Variants in SMC1B observed in about 807,000 individuals in gnomAD.
SMC1B encodes the protein structural maintenance of chromosomes 1B, also known as structural maintenance of chromosomes protein 1B.
Under a neutral mutation model 157.9 loss-of-function variants are expected in SMC1B, and 60 were observed. That is an observed-to-expected ratio of 0.38 (90% confidence interval 0.31 to 0.47). The LOEUF is 0.47. Among genes scored for constraint, SMC1B ranks in the 20% least tolerant of loss-of-function variants. The pLI, the probability that SMC1B is intolerant of heterozygous loss-of-function variation, is 0.99. For missense variants in SMC1B, 1,165 were observed against 1,426.2 expected (o/e 0.82, Z 2.95); for synonymous variants, 445 against 483.0 (o/e 0.92, Z 1.03).
At chr22:45,349,346 T>C (rs560883951) in intron 23 of SMC1B, among the ~76,000 whole-genome samples, 18 of 150,388 alleles carry the variant, frequency 1.2e-4, no homozygotes, top group African/African-American at 4.2e-4. Context: ...TGTTTTGTTT[T>C]GTTTTTTTGA....
At position 45,369,949 on chromosome 22, in the gene SMC1B, A is replaced by T. The variant is rs1210256818; in HGVS notation, c.2420+5T>A. Reference sequence around the variant, plus strand: ...CTCCTTACCAACATCTTTTTATAAAAATACCTTTTTTGATCAATTTCTTGT... The same window carrying T: ...CTCCTTACCAACATCTTTTTATAAATATACCTTTTTTGATCAATTTCTTGT... On this transcript the variant is annotated splice_donor_5th_base_variant and intron_variant, in intron 15 of 24. Coordinates refer to ENST00000357450, the MANE Select transcript of SMC1B (RefSeq NM_148674.5). 4.0e-6 allele frequency: 6 copies of T among 1,495,798 alleles called. No individual in the cohort carries two copies. Among genetic ancestry groups the T allele is most frequent in the Non-Finnish European group, 4.6e-6 (5 of 1,087,488 alleles). The allele number at this position is 1,495,798 out of a possible 1,614,324, so 92.7% of individuals were successfully genotyped here.
intron 15 of SMC1B, among the ~76,000 whole-genome samples, chr22:45,366,943 T>C (rs1418259843): frequency 6.6e-6 from 1 of 152,218 alleles, no homozygotes. Flanking sequence ...TAAGGAATTT[T>C]CCAGTTCAGC....
intron 12 of SMC1B, among the ~76,000 whole-genome samples, chr22:45,380,340 T>G (rs2086924391): frequency 1.3e-5 from 2 of 152,160 alleles, no homozygotes; most frequent in Non-Finnish European, 2.9e-5. Context: ...TACGTGAAAC[T>G]CTGTGTGTCC....
In SMC1B at chr22:45,408,741, G is replaced by A. The variant is rs552854282; in HGVS notation, c.267C>T (p.Gly89=). The change falls in exon 2 of 25, where the codon GGC becomes GGT. Residue 89 remains glycine (G), a synonymous_variant. Coordinates refer to ENST00000357450, the MANE Select transcript of SMC1B (RefSeq NM_148674.5). Reference sequence around the variant, plus strand: ...TAATCCTTGCAAATGTTTTCTCTTCGCCACTTTCCTCCACATATATAATTT... The same window carrying A: ...TAATCCTTGCAAATGTTTTCTCTTCACCACTTTCCTCCACATATATAATTT... ...SVKIIYVEES[G]EEKTFARIIR... 6.6e-5 allele frequency: 106 copies of A among 1,595,762 alleles called. No homozygotes were observed. In the South Asian group the frequency reaches 1.1e-3, roughly 16 times the overall value.
At chr22:45,351,236 CTAAAAT>C (rs2146758754) in intron 22 of SMC1B, among the ~76,000 whole-genome samples, 2 of 152,316 alleles carry the variant, frequency 1.3e-5, no homozygotes, top group East Asian at 3.9e-4. Context: ...CCTTCCCCAA[CTAAAAT>C]TAAGTATCTT....
intron 18 of SMC1B, among the ~76,000 whole-genome samples, chr22:45,359,081 C>CA (rs963341609): frequency 7.2e-5 from 11 of 152,022 alleles, no homozygotes; most frequent in East Asian, 3.9e-4. Context: ...AAAACAAAAA[C>CA]AAAAAAACCC....
At chr22:45,381,768 T>G in intron 12 of SMC1B, among the ~76,000 whole-genome samples, 1 of 152,204 alleles carries the variant, frequency 6.6e-6, no homozygotes, top group Non-Finnish European at 1.5e-5. Context: ...GGCCTAAATT[T>G]GTTAAAATCT....
Position 45,413,456 on chromosome 22 carries a change from T to C in SMC1B, c.109+3A>G. On this transcript the variant is annotated splice_donor_region_variant and intron_variant, in intron 1 of 24. Coordinates refer to ENST00000357450, the MANE Select transcript of SMC1B (RefSeq NM_148674.5). ...CCGGTGGCGCCCTGAGCTGCTCAGT[T>C]ACCAGAGCCGTTGGGGCCGATGATG... 3.1e-6 allele frequency: 5 copies of C among 1,603,364 alleles called. No homozygotes were observed. The highest frequency in any genetic ancestry group is 3.4e-6 in the Non-Finnish European group (4 of 1,174,778).
intron 22 of SMC1B, among the ~76,000 whole-genome samples, chr22:45,351,263 A>G (rs898550971): frequency 6.6e-6 from 1 of 152,070 alleles, no homozygotes; most frequent in African/African-American, 2.4e-5. Context: ...CGAGGCAGGC[A>G]TTTTGTTTTG....
chr22:45,405,064 G>A (rs1226837245), intron 4 of SMC1B, among the ~76,000 whole-genome samples: 1 of 152,130 alleles, frequency 6.6e-6, no homozygotes, highest in Non-Finnish European at 1.5e-5. Context: ...TGAGAAAATG[G>A]CTTTTTAATA....
At chr22:45,348,294 G>C (rs2086572219) in intron 23 of SMC1B, among the ~76,000 whole-genome samples, 1 of 152,228 alleles carries the variant, frequency 6.6e-6, no homozygotes, top group Admixed American at 6.5e-5. Flanking sequence ...GCTGACGCCT[G>C]TAATCCCAGC....
chr22:45,349,277 A>C (rs2086584726), intron 23 of SMC1B, among the ~76,000 whole-genome samples: 2 of 151,668 alleles, frequency 1.3e-5, no homozygotes, highest in South Asian at 4.2e-4. Context: ...AGCCTCCCAA[A>C]GTGCTGGGAT....
intron 24 of SMC1B, 39 bp from the exon 25 acceptor site, chr22:45,344,696 AG>A: frequency 7.1e-7 from 1 of 1,412,070 alleles, no homozygotes; most frequent in Non-Finnish European, 1.0e-6. Context: ...TCCCCTAATT[AG>A]GGAAAAAGTA....
chr22:45,346,959 T>G (rs930346019), intron 23 of SMC1B, among the ~76,000 whole-genome samples: 3 of 152,214 alleles, frequency 2.0e-5, no homozygotes, highest in Non-Finnish European at 4.4e-5. Flanking sequence ...GAGTCTGAAG[T>G]AAGACCTAGT....
At chr22:45,369,078 CA>C (rs1157815974) in intron 15 of SMC1B, among the ~76,000 whole-genome samples, 1 of 152,016 alleles carries the variant, frequency 6.6e-6, no homozygotes, top group African/African-American at 2.4e-5. Context: ...TATTTACAGA[CA>C]AGCAAATTAT....
chr22:45,363,607 G>A (rs990987178), intron 15 of SMC1B, among the ~76,000 whole-genome samples: 4 of 151,842 alleles, frequency 2.6e-5, no homozygotes, highest in Non-Finnish European at 5.9e-5. Flanking sequence ...GCTTGAACCT[G>A]GGAGGTTGCA....
intron 4 of SMC1B, among the ~76,000 whole-genome samples, chr22:45,405,286 C>T (rs746440128): frequency 1.3e-5 from 2 of 151,986 alleles, no homozygotes; most frequent in African/African-American, 4.8e-5. Flanking sequence ...CTTGGCCAGG[C>T]GCGGTGGCTC....
At chr22:45,386,479 T>C (rs1289795496) in intron 11 of SMC1B, among the ~76,000 whole-genome samples, 1 of 152,116 alleles carries the variant, frequency 6.6e-6, no homozygotes, top group Non-Finnish European at 1.5e-5. Flanking sequence ...CACTAAAGTA[T>C]GGAAGAATTA....
At chr22:45,405,268 A>G (rs1419710396) in intron 4 of SMC1B, among the ~76,000 whole-genome samples, 1 of 152,156 alleles carries the variant, frequency 6.6e-6, no homozygotes, top group African/African-American at 2.4e-5. Context: ...CTTATAAGAG[A>G]CAAGATTCTT....
Sources: gnomAD v4.1 joint callset for allele counts (sites outside exome capture counted in the v4.1 genomes callset) on GRCh38, gnomAD v4.1.1 for gene constraint, MANE v1.5 for transcripts, NCBI Gene and HGNC (gene_info 2026-07-23, HGNC 2026-07-21) for gene names.